The following DHX33 variants were observed in gnomAD, a reference collection of about 807,000 sequenced individuals.
The protein encoded by DHX33 is DEAH-box helicase 33, also known as ATP-dependent RNA helicase DHX33.
A neutral mutation model predicts 72.5 loss-of-function variants in DHX33; 42 were observed. The ratio of observed to expected loss-of-function variants is 0.58; its 90% CI spans 0.45 to 0.75. The LOEUF is 0.75. Ranked by LOEUF, DHX33 falls within the 30% of genes least tolerant of loss-of-function variation. The pLI is 0.00. For synonymous variants in DHX33, 358 were observed against 366.1 expected, an observed-to-expected ratio of 0.98 and a Z score of 0.25; for missense variants, 842 against 917.5, an observed-to-expected ratio of 0.92 and a Z score of 1.06.
At chr17:5,451,050 AC>A in intron 8 of DHX33, 116 bp from the exon 9 acceptor site, 1 of 1,161,350 alleles carries the variant, frequency 8.6e-7, no homozygotes, top group Non-Finnish European at 1.2e-6. Context: ...AAAAATCATA[AC>A]CGCCACTGCC....
chr17:5,447,571 C>G (rs1488944456), intron 11 of DHX33, among the ~76,000 whole-genome samples: 2 of 151,830 alleles, frequency 1.3e-5, no homozygotes, highest in Non-Finnish European at 2.9e-5. Context: ...TTGTGGTGAG[C>G]CAAGATCGCG....
chr17:5,468,358 T>C (rs1424309571), intron 1 of DHX33, among the ~76,000 whole-genome samples: 1 of 152,220 alleles, frequency 6.6e-6, no homozygotes, highest in Non-Finnish European at 1.5e-5. Flanking sequence ...AGTCTTTGCC[T>C]ACACACGTTG....
chr17:5,463,703 GGAA>G lies in DHX33; in HGVS notation c.290-17_290-15del. The G allele has an allele frequency of 6.4e-7, 1 of 1,557,928 alleles. No individual in the cohort carries two copies. ...AGCCAGTTTCCCCTAGGAGAGAGGG[GGAA>G]AAAAAAAAAAGGCTCACTGAAATGC... is the stretch of plus-strand genomic sequence containing the variant. On this transcript the variant is annotated splice_polypyrimidine_tract_variant and intron_variant, in intron 1 of 11. Coordinates refer to ENST00000225296, the MANE Select transcript of DHX33 (RefSeq NM_020162.4).
At chr17:5,462,706 G>A (rs1904698431) in intron 2 of DHX33, among the ~76,000 whole-genome samples, 160 bp from the exon 3 acceptor site, 1 of 152,106 alleles carries the variant, frequency 6.6e-6, no homozygotes, top group Non-Finnish European at 1.5e-5. Context: ...GAGAGACAAT[G>A]GTCAAGTTTA....
rs755384386 is a variant in DHX33, at chr17:5,450,338, CACAG to C, written c.1589_1592del (p.Ser530TrpfsTer30). The C allele has an allele frequency of 6.2e-7, 1 of 1,614,148 alleles. No homozygotes were observed. Among genetic ancestry groups the C allele is most frequent in the Non-Finnish European group, 8.5e-7 (1 of 1,180,036 alleles). On this transcript the variant is annotated frameshift_variant, in exon 10 of 12. Transcript: ENST00000225296. LOFTEE classifies it high-confidence loss of function. ...AAGGAGGGTTGTGGAGGACGCTGTC[CACAG>C]ACAGCAGGGAGACAATGGTCAGGAT...
At position 5,453,654 on chromosome 17, in the gene DHX33, C is replaced by G. The variant is rs1278485219; in HGVS notation, c.1322G>C (p.Ser441Thr). 7.4e-6 allele frequency: 12 copies of G among 1,614,204 alleles called. No homozygotes were observed. The South Asian group carries it at 1.2e-4, about 16-fold the overall frequency. ...CATTGCTAGAAGCTGAAGCATCACA[C>G]TGGCCAGGTTACACCTGTGAAGAGC... ...VPEIQRCNLA[S>T]VMLQLLAMKV... Residue 441 changes from serine to threonine, a missense_variant, in exon 8 of 12, where the codon AGT becomes ACT. Coordinates refer to ENST00000225296, the MANE Select transcript of DHX33 (RefSeq NM_020162.4).
rs764025862 is a variant in DHX33 at position 5,444,188 on chromosome 17, C to T, written c.*17G>A. On this transcript the variant is annotated 3_prime_UTR_variant, in exon 12 of 12. Transcript: ENST00000225296. The surrounding 1 kb of genome is among the most constrained non-coding windows in gnomAD (Gnocchi z 4.9). The stretch of plus-strand genomic sequence containing the variant: ...AGCTCCCAGGGACCAGTGATTCTGG[C>T]GGCATCCTGGGGCGGCTCAGTTTCT... The T allele has an allele frequency of 2.2e-5, 36 of 1,603,810 alleles. No individual in the cohort carries two copies. Among genetic ancestry groups the T allele is most frequent in the Admixed American group, 3.4e-5 (2 of 59,644 alleles).
chr17:5,460,308 C>G (rs911246063), intron 4 of DHX33, among the ~76,000 whole-genome samples: 62 of 152,032 alleles, frequency 4.1e-4, no homozygotes, highest in African/African-American at 1.4e-3. Context: ...GCCACTGTGC[C>G]CAGCCAAAAG....
At chr17:5,457,031 A>C (rs1463418281) in intron 4 of DHX33, among the ~76,000 whole-genome samples, 1 of 152,206 alleles carries the variant, frequency 6.6e-6, no homozygotes, top group Non-Finnish European at 1.5e-5. Context: ...GATCAGATAC[A>C]TTAATTTGTT....
chr17:5,468,801 G>C lies in DHX33; in HGVS notation c.59C>G (p.Pro20Arg), dbSNP rs1262998459. ...AKRFRPGSGP[P>R]SRAGSFPPGR... Reference sequence around the variant, plus strand: ...GGGAGGGAAGGACCCAGCGCGGCTCGGAGGTCCAGAGCCTGGCCGGAATCT... The same window carrying C: ...GGGAGGGAAGGACCCAGCGCGGCTCCGAGGTCCAGAGCCTGGCCGGAATCT... Residue 20 changes from proline to arginine, a missense_variant, in exon 1 of 12, where the codon CCG becomes CGG. By Grantham distance (103) the Pro-to-Arg change is moderately radical. Coordinates refer to ENST00000225296, the MANE Select transcript of DHX33 (RefSeq NM_020162.4). The C allele has an allele frequency of 7.5e-6, 12 of 1,597,094 alleles. No individual in the cohort carries two copies. The Admixed American group carries it at 8.7e-5, about 12-fold the overall frequency.
intron 1 of DHX33, among the ~76,000 whole-genome samples, chr17:5,466,464 T>C (rs1266492389): frequency 2.0e-5 from 3 of 152,160 alleles, no homozygotes; most frequent in Non-Finnish European, 2.9e-5. Flanking sequence ...CAGAAGCCTC[T>C]TCCCCCTGCT....
chr17:5,460,069 C>T (rs1446995344), intron 4 of DHX33, among the ~76,000 whole-genome samples: 1 of 148,534 alleles, frequency 6.7e-6, no homozygotes, highest in East Asian at 2.0e-4. Context: ...GGCTGGAGTG[C>T]AGTGGCGCGA....
rs1289412979 is a variant in DHX33, at chr17:5,442,434, A to G, written c.*1771T>C. The G allele has an allele frequency of 6.6e-6, 1 of 152,144 alleles. No homozygotes were observed. Among genetic ancestry groups the G allele is most frequent in the Non-Finnish European group, 1.5e-5 (1 of 68,032 alleles). 9.4% of individuals were successfully genotyped at this position (152,144 alleles called of 1,614,324 possible). On this transcript the variant is annotated 3_prime_UTR_variant, in exon 12 of 12. Coordinates refer to ENST00000225296, the MANE Select transcript of DHX33 (RefSeq NM_020162.4). ...AGTCAGTAAGTGGAAGAACTGGTTC[A>G]AAGTTTAAGAATTCAGTAAGATAAG...
At chr17:5,448,932 T>C in intron 10 of DHX33, 37 bp from the exon 11 acceptor site, 1 of 1,528,676 alleles carries the variant, frequency 6.5e-7, no homozygotes, top group Non-Finnish European at 9.1e-7. Flanking sequence ...AATCCACTCA[T>C]TCACCATTTA....
chr17:5,462,386 T>A lies in DHX33; in HGVS notation c.611A>T (p.Asp204Val). 2 of 1,614,176 alleles carry A rather than the reference T, an allele frequency of 1.2e-6. No individual in the cohort carries two copies. The highest frequency in any genetic ancestry group is 1.7e-6 in the Non-Finnish European group (2 of 1,180,022). The change falls in exon 3 of 12, where the codon GAT becomes GTT. Residue 204 changes from aspartate (D) to valine (V), a missense_variant. Transcript: ENST00000225296. Reference sequence around the variant, plus strand: ...AGCTTTCACCACTCCAAAGAGCACATCTGTGTGGATAGTCCGTTCGTGAGC... The same window carrying A: ...AGCTTTCACCACTCCAAAGAGCACAACTGTGTGGATAGTCCGTTCGTGAGC... The part of the protein sequence containing the change: ...DEAHERTIHT[D>V]VLFGVVKAAQ...
intron 11 of DHX33, among the ~76,000 whole-genome samples, chr17:5,447,406 G>A (rs1485757842): frequency 2.6e-5 from 4 of 152,058 alleles, no homozygotes; most frequent in Non-Finnish European, 5.9e-5. Context: ...TGTAATCCCA[G>A]CACTTTGGGA....
intron 10 of DHX33, 67 bp downstream of exon 10, chr17:5,450,136 G>T: frequency 6.3e-7 from 1 of 1,580,646 alleles, no homozygotes; most frequent in Non-Finnish European, 8.7e-7. Flanking sequence ...GGCTTCAGTA[G>T]AAAAAGGGAA....
Position 5,460,904 on chromosome 17 carries a change from G to A in DHX33, c.849+35C>T, listed in dbSNP as rs376098001. The A allele has an allele frequency of 9.4e-6, 15 of 1,588,198 alleles. No individual in the cohort carries two copies. The African/African-American group carries it at 1.2e-4, about 13-fold the overall frequency. ...TCTCACTACCAACTGCAAGATAAAA[G>A]AGAACTTTTCAGGAATTTGCCCCCA... is the stretch of plus-strand genomic sequence containing the variant. On this transcript the variant is annotated intron_variant, in intron 4 of 11. Transcript: ENST00000225296.
chr17:5,441,823 A>T lies in DHX33; in HGVS notation c.*2382T>A, dbSNP rs1188036203. 3 of 152,216 alleles carry T rather than the reference A, an allele frequency of 2.0e-5. No homozygotes were observed. Among genetic ancestry groups the T allele is most frequent in the Non-Finnish European group, 4.4e-5 (3 of 68,032 alleles). The allele number at this position is 152,216 out of a possible 1,614,324, so 9.4% of individuals were successfully genotyped here. On this transcript the variant is annotated 3_prime_UTR_variant, in exon 12 of 12. Coordinates refer to ENST00000225296, the MANE Select transcript of DHX33 (RefSeq NM_020162.4). ...TACATCCTTTGCCTCTCAGAAAAAA[A>T]ATATACATTTCCGGAAACTGTTCAG...
Sources: gnomAD v4.1 joint callset for allele counts (sites outside exome capture counted in the v4.1 genomes callset) on GRCh38, gnomAD v4.1.1 for gene constraint, Gnocchi (gnomAD v3.1) non-coding constraint, MANE v1.5 for transcripts, NCBI Gene and HGNC (gene_info 2026-07-23, HGNC 2026-07-21) for gene names.